Variants in MKLN1 observed in about 807,000 individuals in gnomAD.
MKLN1 encodes the protein muskelin 1, also known as muskelin.
In MKLN1, 18 loss-of-function variants were observed where a neutral mutation model predicts 99.0. The observed-to-expected ratio is 0.18, with a 90% CI of 0.13 to 0.27. MKLN1 has a LOEUF of 0.27. Ranked by LOEUF, MKLN1 falls within the 10% of genes least tolerant of loss-of-function variation. The pLI, the probability that MKLN1 is intolerant of heterozygous loss-of-function variation, is 1.00. For missense variants in MKLN1, 621 were observed against 875.9 expected (o/e 0.71, Z 3.67); for synonymous variants, 288 against 293.2 (o/e 0.98, Z 0.18).
intron 3 of MKLN1, among the ~76,000 whole-genome samples, chr7:131,205,419 A>G (rs1468349708): frequency 1.3e-5 from 2 of 152,172 alleles, no homozygotes; most frequent in Non-Finnish European, 2.9e-5. Flanking sequence ...AGACATTATT[A>G]CCTTTATTTG....
intron 2 of MKLN1, among the ~76,000 whole-genome samples, chr7:131,173,665 G>T (rs1282800398): frequency 6.6e-6 from 1 of 152,152 alleles, no homozygotes; most frequent in Non-Finnish European, 1.5e-5. Context: ...GTTGCAGTGA[G>T]TTGAGATCGT....
At chr7:131,454,827 T>A (rs1010974733) in intron 12 of MKLN1, among the ~76,000 whole-genome samples, 4 of 152,164 alleles carry the variant, frequency 2.6e-5, no homozygotes, top group African/African-American at 9.7e-5. Flanking sequence ...CTGCTTTGGG[T>A]GCTCTATATA....
chr7:131,305,004 C>T (rs1798433485), intron 3 of MKLN1, among the ~76,000 whole-genome samples: 1 of 152,166 alleles, frequency 6.6e-6, no homozygotes. Context: ...TATGAGGACA[C>T]AGCCATCCGT....
intron 10 of MKLN1, among the ~76,000 whole-genome samples, chr7:131,442,318 C>T (rs1795861958): frequency 6.6e-6 from 1 of 152,172 alleles, no homozygotes; most frequent in Non-Finnish European, 1.5e-5. Context: ...GAGGCCGAGG[C>T]AGGCGGATCA....
intron 1 of MKLN1, among the ~76,000 whole-genome samples, chr7:131,370,537 G>A (rs1800317475): frequency 7.3e-6 from 1 of 137,412 alleles, no homozygotes; most frequent in Admixed American, 7.5e-5. Context: ...TTTTTACATT[G>A]TATACTCCTT....
intron 8 of MKLN1, among the ~76,000 whole-genome samples, chr7:131,418,943 A>C (rs1563338648): frequency 6.6e-6 from 1 of 152,172 alleles, no homozygotes; most frequent in Non-Finnish European, 1.5e-5. Context: ...ACAGGTCTCT[A>C]GTTGTGACTG....
intron 4 of MKLN1, among the ~76,000 whole-genome samples, chr7:131,396,067 T>A (rs1487825916): frequency 6.7e-6 from 1 of 150,310 alleles, no homozygotes; most frequent in East Asian, 1.9e-4. Context: ...TTCAATTGAA[T>A]ATATATATAT....
intron 2 of MKLN1, among the ~76,000 whole-genome samples, chr7:131,166,128 G>A (rs946507879): frequency 2.6e-5 from 4 of 151,864 alleles, no homozygotes; most frequent in African/African-American, 7.3e-5. Flanking sequence ...AATGATTATG[G>A]TAGGCTTTTG....
chr7:131,379,448 G>A (rs984865054), intron 2 of MKLN1, among the ~76,000 whole-genome samples: 1 of 151,866 alleles, frequency 6.6e-6, no homozygotes, highest in African/African-American at 2.4e-5. Context: ...AAAGTGATGT[G>A]GCAGATTTGA....
At position 131,399,362 on chromosome 7, in the gene MKLN1, A is replaced by G. The variant is rs1189709669; in HGVS notation, c.632A>G (p.Asp211Gly). Residue 211 changes from aspartate to glycine, a missense_variant, in exon 6 of 18, where the codon GAT becomes GGT. Around this residue, in one of 8 missense-constraint regions of MKLN1, gnomAD observed 361 missense variants for 540.8 expected, o/e 0.67. Coordinates refer to ENST00000352689, the MANE Select transcript of MKLN1 (RefSeq NM_013255.5). ...GCACTGGAACATCCCATGTTAACAGATATTCATGACAAGCTGGTGTTGAAG... is the reference window on the plus strand; with the variant it reads ...GCACTGGAACATCCCATGTTAACAGGTATTCATGACAAGCTGGTGTTGAAG... ...KIALEHPMLT[D>G]IHDKLVLKGD... The G allele has an allele frequency of 6.2e-7, 1 of 1,614,046 alleles. No individual in the cohort carries two copies. The highest frequency in any genetic ancestry group is 1.7e-5 in the Admixed American group (1 of 60,016).
At chr7:131,267,983 T>C (rs1400383075) in intron 3 of MKLN1, among the ~76,000 whole-genome samples, 2 of 152,240 alleles carry the variant, frequency 1.3e-5, no homozygotes, top group Admixed American at 1.3e-4. Flanking sequence ...GTTTTTTTTC[T>C]TCTTTTTAAT....
At chr7:131,114,927 C>A (rs1194570339) in intron 1 of MKLN1, among the ~76,000 whole-genome samples, 5 of 150,448 alleles carry the variant, frequency 3.3e-5, no homozygotes, top group Non-Finnish European at 5.9e-5. Flanking sequence ...CAGAGCAAGA[C>A]TCTGTCTCAA....
At chr7:131,414,410 C>G (rs551174088) in intron 7 of MKLN1, among the ~76,000 whole-genome samples, 1 of 151,816 alleles carries the variant, frequency 6.6e-6, no homozygotes. Flanking sequence ...ATAAATAAAT[C>G]AAAAATAACT....
In MKLN1 at chr7:131,492,225, G is replaced by A. The variant is rs998682879; in HGVS notation, c.*4497G>A. On this transcript the variant is annotated 3_prime_UTR_variant, in exon 18 of 18. Transcript: ENST00000352689. Reference sequence around the variant, plus strand: ...TTACCTTTTGTCTTTTCTTTTTATTGTATTTTTTAACCTTTTTGTTTCTAT... The same window carrying A: ...TTACCTTTTGTCTTTTCTTTTTATTATATTTTTTAACCTTTTTGTTTCTAT... 1.3e-5 allele frequency: 2 copies of A among 151,934 alleles called. No homozygotes were observed. Among genetic ancestry groups the A allele is most frequent in the Non-Finnish European group, 2.9e-5 (2 of 67,980 alleles). 9.4% of individuals were successfully genotyped at this position (151,934 alleles called of 1,614,324 possible).
chr7:131,143,036 T>G, intron 2 of MKLN1: 1 of 876,936 alleles, frequency 1.1e-6, no homozygotes, highest in Non-Finnish European at 1.6e-6. Context: ...CTCTGGAGTC[T>G]TCATCAGAAG....
intron 1 of MKLN1, among the ~76,000 whole-genome samples, chr7:131,119,399 G>A (rs1466117145): frequency 6.6e-6 from 1 of 152,240 alleles, no homozygotes; most frequent in Non-Finnish European, 1.5e-5. Context: ...GGCTGGTGTT[G>A]AATGGCTGTG....
At chr7:131,404,431 C>A (rs1426338833) in intron 6 of MKLN1, among the ~76,000 whole-genome samples, 1 of 152,038 alleles carries the variant, frequency 6.6e-6, no homozygotes, top group African/African-American at 2.4e-5. Flanking sequence ...GGCTATCCTC[C>A]TGCCTCCTGA....
chr7:131,253,110 A>T (rs980281222), intron 3 of MKLN1, among the ~76,000 whole-genome samples: 9 of 152,214 alleles, frequency 5.9e-5, no homozygotes, highest in Non-Finnish European at 2.9e-5. Context: ...AAGTCTCTGG[A>T]AATTGTCCTA....
intron 1 of MKLN1, among the ~76,000 whole-genome samples, chr7:131,348,930 T>C (rs946431893): frequency 1.3e-5 from 2 of 152,134 alleles, no homozygotes; most frequent in African/African-American, 4.8e-5. Flanking sequence ...AGCCTTTTAT[T>C]TTTTTCTCAT....
Sources: gnomAD v4.1 joint callset for allele counts (sites outside exome capture counted in the v4.1 genomes callset) on GRCh38, gnomAD v4.1.1 for gene constraint, gnomAD v4.1.1 regional missense constraint, MANE v1.5 for transcripts, NCBI Gene and HGNC (gene_info 2026-07-23, HGNC 2026-07-21) for gene names.